Variants in PHF10 observed in about 807,000 individuals in gnomAD.
PHF10 encodes the protein PHD finger protein 10.
PHF10 carries 51 observed loss-of-function variants against 68.5 expected under a neutral mutation model. That is an observed-to-expected ratio of 0.74 (90% CI 0.59 to 0.94). The LOEUF (loss-of-function observed/expected upper bound fraction) is 0.94, where lower values mean the gene tolerates loss of function less well. Among genes scored for constraint, PHF10 ranks in the 40% least tolerant of loss-of-function variants. PHF10 has a pLI of 0.00. For synonymous variants in PHF10, 204 were observed against 203.5 expected, an observed-to-expected ratio of 1.00 and a Z score of -0.02; for missense variants, 460 against 602.6, an observed-to-expected ratio of 0.76 and a Z score of 2.48.
intron 9 of PHF10, chr6:169,707,361 T>C (rs1321621502): frequency 6.6e-6 from 1 of 152,164 alleles, no homozygotes; most frequent in Non-Finnish European, 1.5e-5. Flanking sequence ...TGCACTTCTA[T>C]AATCCAAATT....
chr6:169,704,718 ACT>A lies in PHF10; in HGVS notation c.1411+413_1411+414del, dbSNP rs1223751441. ...TAGTCCAATTACTGTGATTTATTCA[ACT>A]CTGTTCTAAAGTTATCTGGAATTGT... is the stretch of plus-strand genomic sequence containing the variant. On this transcript the variant is annotated intron_variant, in intron 11 of 11. Coordinates refer to ENST00000339209, the MANE Select transcript of PHF10 (RefSeq NM_018288.4). 3.5e-5 allele frequency: 6 copies of A among 172,470 alleles called. No homozygotes were observed. In the East Asian group the frequency reaches 9.3e-4, roughly 27 times the overall value. 10.7% of individuals were successfully genotyped at this position (172,470 alleles called of 1,614,324 possible). A position where few individuals can be genotyped will look rare whatever the true frequency, so the allele number is the denominator to read the frequency against.
At chr6:169,705,426 G>T in intron 10 of PHF10, 105 bp from the exon 11 acceptor site, 1 of 807,184 alleles carries the variant, frequency 1.2e-6, no homozygotes, top group Non-Finnish European at 2.0e-6. Flanking sequence ...TGGCTATAAT[G>T]TCAAATCGCC....
intron 8 of PHF10, 70 bp from the exon 9 acceptor site, chr6:169,710,461 T>C: frequency 1.9e-6 from 2 of 1,050,010 alleles, no homozygotes; most frequent in East Asian, 4.8e-5. Flanking sequence ...TTTTGAAAAC[T>C]ATGGAAAATA....
chr6:169,705,376 G>T, intron 10 of PHF10, 55 bp from the exon 11 acceptor site: 2 of 1,253,718 alleles, frequency 1.6e-6, no homozygotes, highest in Non-Finnish European at 2.3e-6. Flanking sequence ...AACTTAATAT[G>T]GCACATAAAA....
chr6:169,704,020 T>A lies in PHF10; in HGVS notation c.1480A>T (p.Asn494Tyr). The stretch of plus-strand genomic sequence containing the variant: ...AAACTATTTTATCCCTCTTTGCTGT[T>A]TTTCCCCCTTCTGCCCACTTTCCTG... ...TPRKVGRRGK[N>Y]SKEG Residue 494 changes from asparagine (N) to tyrosine (Y), a missense_variant, in exon 12 of 12, where the codon AAC becomes TAC. This residue lies in a region of PHF10 where 111 missense variants were observed against 109.7 expected (regional missense o/e 1.01). Coordinates refer to ENST00000339209, the MANE Select transcript of PHF10 (RefSeq NM_018288.4). The A allele has an allele frequency of 6.2e-7, 1 of 1,601,212 alleles. No individual in the cohort carries two copies. Among genetic ancestry groups the A allele is most frequent in the Non-Finnish European group, 8.5e-7 (1 of 1,175,964 alleles).
chr6:169,705,642 A>G lies in PHF10; in HGVS notation c.1196T>C (p.Ile399Thr), dbSNP rs759984393. ...ACTATTCTCACATTGGGAGCAGTGT[A>G]TAAGTGATTCAGCCTTTCCTTTCTT... ...SNKKGKAESL[I>T]HCSQCENSGH... Residue 399 changes from isoleucine (I) to threonine (T), a missense_variant, in exon 10 of 12, where the codon ATA becomes ACA. Physicochemically the swap from Ile to Thr is moderately conservative, Grantham distance 89. Coordinates refer to ENST00000339209, the MANE Select transcript of PHF10 (RefSeq NM_018288.4). 24 of 1,527,950 alleles carry G rather than the reference A, an allele frequency of 1.6e-5. No individual in the cohort carries two copies. Among genetic ancestry groups the G allele is most frequent in the East Asian group, 4.5e-5 (2 of 44,480 alleles). The allele number at this position is 1,527,950 out of a possible 1,614,324, so 94.6% of individuals were successfully genotyped here. A position where few individuals can be genotyped will look rare whatever the true frequency, so the allele number is the denominator to read the frequency against.
chr6:169,710,178 A>G (rs770499945), intron 9 of PHF10, 58 bp downstream of exon 9: 5 of 1,313,718 alleles, frequency 3.8e-6, no homozygotes, highest in Non-Finnish European at 5.2e-6. Flanking sequence ...TCAAGTTAAA[A>G]TATTTCAGGG....
intron 9 of PHF10, chr6:169,708,201 T>C (rs1788849570): frequency 6.6e-6 from 1 of 152,226 alleles, no homozygotes; most frequent in Non-Finnish European, 1.5e-5. Context: ...CTTACTTTTC[T>C]ACTTGAAAAA....
At chr6:169,704,140 A>G in intron 11 of PHF10, 52 bp from the exon 12 acceptor site, 1 of 1,383,404 alleles carries the variant, frequency 7.2e-7, no homozygotes, top group Non-Finnish European at 9.8e-7. Flanking sequence ...ACAGGACTGA[A>G]TTTTAAGCCC....
intron 9 of PHF10, among the ~76,000 whole-genome samples, chr6:169,706,268 C>G (rs1788780696): frequency 6.6e-6 from 1 of 152,118 alleles, no homozygotes; most frequent in Non-Finnish European, 1.5e-5. Flanking sequence ...ATGTCTCATG[C>G]ATACATTGGC....
In PHF10 at chr6:169,710,323, TC is replaced by T; in HGVS notation, c.1025del (p.Gly342GlufsTer43). The T allele has an allele frequency of 6.2e-7, 1 of 1,612,532 alleles. No individual in the cohort carries two copies. Among genetic ancestry groups the T allele is most frequent in the Non-Finnish European group, 8.5e-7 (1 of 1,178,606 alleles). On this transcript the variant is annotated frameshift_variant, in exon 9 of 12. Transcript: ENST00000339209. LOFTEE classifies it high-confidence loss of function. ...PPDSQEDSFQ[G>X]RQKSKDKAAT... The stretch of plus-strand genomic sequence containing the variant: ...CAGCTTTGTCTTTTGATTTCTGTCT[TC>T]CCTGGAAAGAGTCCTCCTGGCTGTC...
chr6:169,710,083 C>CA, intron 9 of PHF10, 153 bp downstream of exon 9: 1 of 526,412 alleles, frequency 1.9e-6, no homozygotes, highest in South Asian at 5.2e-5. Context: ...GGAAATAAAG[C>CA]AAAAAAGAAA....
rs867615197 is a variant in PHF10 at position 169,723,934 on chromosome 6, G to C, written c.-3C>G. The C allele has an allele frequency of 1.7e-5, 16 of 958,226 alleles. No individual in the cohort carries two copies. In the South Asian group the frequency reaches 7.1e-4, roughly 43 times the overall value. 59.4% of individuals were successfully genotyped at this position (958,226 alleles called of 1,614,324 possible). On this transcript the variant is annotated 5_prime_UTR_variant, in exon 1 of 12. Transcript: ENST00000339209. ...CCGGGCCCGGCCGCCGCCGCCATCA[G>C]CCCGAGCGCCCCGCGCCGCCGCCGC...
intron 4 of PHF10, 114 bp from the exon 5 acceptor site, chr6:169,716,202 T>C (rs1789043910): frequency 9.3e-6 from 5 of 535,128 alleles, no homozygotes; most frequent in Non-Finnish European, 1.6e-5. Flanking sequence ...GGTTTTCCAA[T>C]AGCCAAAGCA....
chr6:169,718,740 T>C, intron 3 of PHF10, 48 bp downstream of exon 3: 1 of 1,087,506 alleles, frequency 9.2e-7, no homozygotes, highest in South Asian at 1.5e-5. Flanking sequence ...CAGTGTATCA[T>C]AAAGAATTAC....
intron 9 of PHF10, chr6:169,709,111 C>T (rs1223437324): frequency 6.6e-6 from 1 of 151,820 alleles, no homozygotes; most frequent in South Asian, 2.1e-4. Context: ...TACATAAAAG[C>T]ATTTCCTAAT....
At chr6:169,721,892 C>T (rs1018849367) in intron 1 of PHF10, among the ~76,000 whole-genome samples, 3 of 152,168 alleles carry the variant, frequency 2.0e-5, no homozygotes, top group African/African-American at 7.2e-5. Flanking sequence ...CTATAGTCCT[C>T]TTGCTACATA....
intron 2 of PHF10, among the ~76,000 whole-genome samples, chr6:169,719,827 A>C (rs531479435): frequency 6.6e-6 from 1 of 152,242 alleles, no homozygotes; most frequent in East Asian, 1.9e-4. Context: ...TAGATGAAAA[A>C]TTTGGGCTTC....
rs572547836 is a variant in PHF10 at position 169,721,789 on chromosome 6, GATTT to G, written c.88-682_88-679del. 3.3e-5 allele frequency among the ~76,000 whole-genome samples: 5 copies of G among 152,100 alleles called. No homozygotes were observed. The East Asian group carries it at 5.8e-4, about 18-fold the overall frequency. ...AAAAAGTATCAGATGTTAGGAAATT[GATTT>G]ATTTACTTATTAGCCAAGGCTTAAA... On this transcript the variant is annotated intron_variant, in intron 1 of 11. Coordinates refer to ENST00000339209, the MANE Select transcript of PHF10 (RefSeq NM_018288.4).
Sources: gnomAD v4.1 joint callset for allele counts (sites outside exome capture counted in the v4.1 genomes callset) on GRCh38, gnomAD v4.1.1 for gene constraint, gnomAD v4.1.1 regional missense constraint, MANE v1.5 for transcripts, NCBI Gene and HGNC (gene_info 2026-07-23, HGNC 2026-07-21) for gene names.